Variants in CENPE observed in about 807,000 individuals in gnomAD.
The protein encoded by CENPE is centromere protein E.
In CENPE, 145 loss-of-function variants were observed where a neutral mutation model predicts 336.1. That is an observed-to-expected ratio of 0.43 (90% confidence interval 0.38 to 0.50). CENPE has a LOEUF of 0.50. Among genes scored for constraint, CENPE ranks in the 20% least tolerant of loss-of-function variants. CENPE has a pLI of 0.00. For missense variants in CENPE, 2,719 were observed against 3,023.3 expected (o/e 0.90, Z 2.36); for synonymous variants, 1,013 against 984.8 (o/e 1.03, Z -0.54).
intron 16 of CENPE, among the ~76,000 whole-genome samples, chr4:103,172,820 G>T (rs988841060): frequency 2.6e-5 from 4 of 151,688 alleles, no homozygotes; most frequent in African/African-American, 9.7e-5. Context: ...GGAGGTGTCA[G>T]ATCTCTCAAA....
chr4:103,145,330 T>G lies in CENPE; in HGVS notation c.4577A>C (p.Gln1526Pro), dbSNP rs921235054. Residue 1526 changes from glutamine (Q) to proline (P), a missense_variant, in exon 32 of 49, where the codon CAA becomes CCA. Gln to Pro is a moderately conservative substitution (Grantham distance 76). Around this residue, in one of 5 missense-constraint regions of CENPE, gnomAD observed 2,437 missense variants for 2,513.3 expected, o/e 0.97. Transcript: ENST00000265148. ...TTGTTCCTCTTTCTCATAAATCTCT[T>G]GGATCTTAAACATAATTATAAAATA... ...AINDKLQNKI[Q>P]EIYEKEEQFN... is the part of the protein sequence containing the mutation. 1 of 1,527,940 alleles carries G rather than the reference T, an allele frequency of 6.5e-7. No individual in the cohort carries two copies. The highest frequency in any genetic ancestry group is 1.8e-5 in the Admixed American group (1 of 55,622). 94.6% of individuals were successfully genotyped at this position (1,527,940 alleles called of 1,614,324 possible).
At chr4:103,143,860 T>A (rs1752770897) in intron 33 of CENPE, among the ~76,000 whole-genome samples, 1 of 152,176 alleles carries the variant, frequency 6.6e-6, no homozygotes, top group African/African-American at 2.4e-5. Context: ...TTTGGAAAAA[T>A]TTGGAAGGTA....
chr4:103,153,195 G>C lies in CENPE; in HGVS notation c.3089C>G (p.Thr1030Ser). ...TATCTCATTATCCTTAACATCTGCA[G>C]TTAGTGTTTGGGTATTTTTAGCTTC... is the stretch of plus-strand genomic sequence containing the variant. ...DLEAKNTQTL[T>S]ADVKDNEIIE... The change falls in exon 25 of 49, where the codon ACT (threonine) becomes AGT (serine). Residue 1030 changes from threonine to serine, a missense_variant. By Grantham distance (58) the Thr-to-Ser change is moderately conservative. Around this residue, in one of 5 missense-constraint regions of CENPE, gnomAD observed 2,437 missense variants for 2,513.3 expected, o/e 0.97. Coordinates refer to ENST00000265148, the MANE Select transcript of CENPE (RefSeq NM_001813.3). 3 of 1,612,898 alleles carry C rather than the reference G, an allele frequency of 1.9e-6. No individual in the cohort carries two copies. The highest frequency in any genetic ancestry group is 2.5e-6 in the Non-Finnish European group (3 of 1,179,502).
chr4:103,196,888 A>G (rs771174394), intron 1 of CENPE, 38 bp from the exon 2 acceptor site: 2 of 976,260 alleles, frequency 2.0e-6, no homozygotes, highest in African/African-American at 3.2e-5. Flanking sequence ...ACCAGTCATA[A>G]AAGTCATGTC....
At position 103,165,671 on chromosome 4, in the gene CENPE, C is replaced by T. The variant is rs137871418; in HGVS notation, c.1648-2118G>A. On this transcript the variant is annotated intron_variant, in intron 16 of 48. Coordinates refer to ENST00000265148, the MANE Select transcript of CENPE (RefSeq NM_001813.3). ...TTTTATTACATAATCTTTTAAGTAA[C>T]CTTAAATTTTGTGTCGAATTAAAAG... Among the ~76,000 whole-genome samples the T allele has an allele frequency of 5.5e-3, 842 of 151,906 alleles. 4 individuals carry two copies. The highest frequency in any genetic ancestry group is 7.8e-3 in the Non-Finnish European group (527 of 67,948).
chr4:103,159,774 T>A (rs1248193475), intron 21 of CENPE, among the ~76,000 whole-genome samples: 3 of 151,904 alleles, frequency 2.0e-5, no homozygotes, highest in African/African-American at 7.2e-5. Flanking sequence ...AGAAGTATCT[T>A]AAGTGGTATG....
Position 103,132,778 on chromosome 4 carries a change from A to G in CENPE, c.6839T>C (p.Phe2280Ser), listed in dbSNP as rs769958209. 6.3e-7 allele frequency: 1 copy of G among 1,582,758 alleles called. No homozygotes were observed. Among genetic ancestry groups the G allele is most frequent in the South Asian group, 1.1e-5 (1 of 88,694 alleles). ...QFLEEWLNTRFDIEKLKNGIQ... is the reference protein window; with the variant it reads ...QFLEEWLNTRSDIEKLKNGIQ... ...GCCATTTTTAAGCTTTTCTATATCA[A>G]AACGAGTATTTAACCACTCTTCCAA... The change falls in exon 42 of 49, where the codon TTT becomes TCT. Residue 2280 changes from phenylalanine (F) to serine (S), a missense_variant. Physicochemically the swap from Phe to Ser is radical, Grantham distance 155. Coordinates refer to ENST00000265148, the MANE Select transcript of CENPE (RefSeq NM_001813.3).
intron 48 of CENPE, 76 bp from the exon 49 acceptor site, chr4:103,106,392 G>C: frequency 1.7e-6 from 2 of 1,151,006 alleles, no homozygotes. Context: ...GAAGTGGAAA[G>C]GAGGTTAAGA....
At chr4:103,174,659 C>A in intron 16 of CENPE, 77 bp downstream of exon 16, 1 of 1,067,436 alleles carries the variant, frequency 9.4e-7, no homozygotes, top group South Asian at 2.1e-5. Context: ...ATTAAAAAAG[C>A]TTACATTATA....
rs770905296 is a variant in CENPE at position 103,141,032 on chromosome 4, C to CT, written c.5535dup (p.Val1846SerfsTer3). On this transcript the variant is annotated frameshift_variant, in exon 36 of 49. Coordinates refer to ENST00000265148, the MANE Select transcript of CENPE (RefSeq NM_001813.3). LOFTEE classifies it high-confidence loss of function. ...TTCTTTAGTTGCTCCATTTCAGACA[C>CT]TTTTTTCTGTGTCTCATTGACATCT... 1.9e-6 allele frequency: 3 copies of CT among 1,602,972 alleles called. No homozygotes were observed. Among genetic ancestry groups the CT allele is most frequent in the Non-Finnish European group, 2.6e-6 (3 of 1,172,226 alleles).
intron 43 of CENPE, among the ~76,000 whole-genome samples, chr4:103,120,743 T>G (rs1750553126): frequency 6.7e-6 from 1 of 150,350 alleles, no homozygotes; most frequent in African/African-American, 2.4e-5. Flanking sequence ...TTTTATTAAT[T>G]TTTTTTTTTT....
rs540314401 is a variant in CENPE, at chr4:103,116,504, A to G, written c.7442+73T>C. 19 of 623,996 alleles carry G rather than the reference A, an allele frequency of 3.0e-5. No homozygotes were observed. In the Admixed American group the frequency reaches 6.6e-4, roughly 22 times the overall value. The allele number at this position is 623,996 out of a possible 1,614,324, so 38.7% of individuals were successfully genotyped here. ...TAAATTATATTTTAAAAAGTTAACT[A>G]ATGAAAAGTATATGTAGTTTAGGAA... On this transcript the variant is annotated intron_variant, in intron 45 of 48. Transcript: ENST00000265148.
At chr4:103,136,416 G>A (rs1460591274) in intron 39 of CENPE, 57 bp from the exon 40 acceptor site, 2 of 1,220,352 alleles carry the variant, frequency 1.6e-6, no homozygotes, top group Non-Finnish European at 2.3e-6. Flanking sequence ...ATCACAATAA[G>A]TAGTTACAAC....
intron 21 of CENPE, 132 bp downstream of exon 21, chr4:103,160,492 TA>T: frequency 1.6e-6 from 1 of 622,662 alleles, no homozygotes; most frequent in Middle Eastern, 4.7e-4. Context: ...TTTCTATTTC[TA>T]ACTAGTCAAA....
intron 24 of CENPE, among the ~76,000 whole-genome samples, chr4:103,156,859 T>A (rs1404046839): frequency 6.6e-6 from 1 of 151,822 alleles, no homozygotes; most frequent in African/African-American, 2.4e-5. Flanking sequence ...TATTCAGAAG[T>A]ATAAAGAACT....
chr4:103,174,924 T>A (rs975661295), intron 15 of CENPE, 21 bp from the exon 16 acceptor site: 9 of 1,361,778 alleles, frequency 6.6e-6, no homozygotes, highest in Non-Finnish European at 8.7e-6. Flanking sequence ...CAAGAACAGA[T>A]TTTCCAATCA....
chr4:103,125,935 A>G (rs576123468), intron 42 of CENPE, among the ~76,000 whole-genome samples: 1 of 151,874 alleles, frequency 6.6e-6, no homozygotes, highest in South Asian at 2.1e-4. Context: ...AAAATCCACA[A>G]CTCTGCTTAG....
chr4:103,169,312 G>T (rs555176321), intron 16 of CENPE, among the ~76,000 whole-genome samples: 1 of 151,302 alleles, frequency 6.6e-6, no homozygotes, highest in South Asian at 2.1e-4. Context: ...CAAATATTTG[G>T]GTCACTGCAG....
Position 103,131,505 on chromosome 4 carries a change from G to A in CENPE, c.6924+1188C>T, listed in dbSNP as rs149897147. On this transcript the variant is annotated intron_variant, in intron 42 of 48. Transcript: ENST00000265148. The stretch of plus-strand genomic sequence containing the variant: ...CAGGAATTTTATTCATTGCTGGTGG[G>A]AGTGCAAAATGGTACCGCCCCTTTG... Among the ~76,000 whole-genome samples, 395 of 152,256 alleles carry A rather than the reference G, an allele frequency of 2.6e-3. 7 individuals are homozygous for A. In the East Asian group the frequency reaches 0.066, roughly 25 times the overall value.
Sources: gnomAD v4.1 joint callset for allele counts (sites outside exome capture counted in the v4.1 genomes callset) on GRCh38, gnomAD v4.1.1 for gene constraint, gnomAD v4.1.1 regional missense constraint, MANE v1.5 for transcripts, NCBI Gene and HGNC (gene_info 2026-07-23, HGNC 2026-07-21) for gene names.